WDFY4: variants seen among roughly 807,000 people sequenced by gnomAD.
WDFY4 encodes WD repeat- and FYVE domain-containing protein 4.
WDFY4 carries 169 observed loss-of-function variants against 351.9 expected under a neutral mutation model. The observed-to-expected ratio is 0.48, with a 90% CI of 0.42 to 0.55. The LOEUF (loss-of-function observed/expected upper bound fraction) is 0.55, where lower values mean the gene tolerates loss of function less well. Among genes scored for constraint, WDFY4 ranks in the 20% least tolerant of loss-of-function variants. WDFY4 has a pLI of 0.00. For missense variants in WDFY4, 3,803 were observed against 3,935.6 expected, an observed-to-expected ratio of 0.97 and a Z score of 0.90; for synonymous variants, 1,622 against 1,574.6, an observed-to-expected ratio of 1.03 and a Z score of -0.71.
intron 24 of WDFY4, among the ~76,000 whole-genome samples, chr10:48,800,671 T>C (rs982015436): frequency 1.3e-4 from 2 of 15,382 alleles, no homozygotes; most frequent in African/African-American, 4.0e-4. Flanking sequence ...TAGGTTTTGG[T>C]TTCTTTCTTT....
chr10:48,868,576 C>A (rs2069641094), intron 40 of WDFY4, among the ~76,000 whole-genome samples: 1 of 152,094 alleles, frequency 6.6e-6, no homozygotes, highest in East Asian at 1.9e-4. Flanking sequence ...TGACTCACAA[C>A]ATGGATTGAC....
intron 9 of WDFY4, 59 bp from the exon 10 acceptor site, chr10:48,733,872 A>G: frequency 1.4e-6 from 2 of 1,455,690 alleles, no homozygotes; most frequent in Non-Finnish European, 1.9e-6. Context: ...GGAGTCAGAG[A>G]TTTGCGGTCA....
chr10:48,870,058 AG>A (rs1443084004), intron 40 of WDFY4, among the ~76,000 whole-genome samples: 1 of 152,158 alleles, frequency 6.6e-6, no homozygotes, highest in Non-Finnish European at 1.5e-5. Flanking sequence ...TCCCAGCCCT[AG>A]GGGGTGGTGC....
At position 48,787,974 on chromosome 10, in the gene WDFY4, T is replaced by C. The variant is rs12269375; in HGVS notation, c.3809-556T>C. Among the ~76,000 whole-genome samples, 238 of 73,690 alleles carry C rather than the reference T, an allele frequency of 3.2e-3. 1 individual carries two copies. Among genetic ancestry groups the C allele is most frequent in the Middle Eastern group, 5.8e-3 (1 of 172 alleles). The allele number at this position is 73,690 out of a possible 152,430, so 48.3% of individuals were successfully genotyped here. ...TTCTTCTTCTTCTTCTTCTTCTTCT[T>C]CTTCTTCTTCTCCTTCTCCTTCTCC... is the stretch of plus-strand genomic sequence containing the variant. On this transcript the variant is annotated intron_variant, in intron 20 of 61. Transcript: ENST00000325239.
At chr10:48,777,370 A>C in intron 16 of WDFY4, 49 bp from the exon 17 acceptor site, 1 of 1,511,892 alleles carries the variant, frequency 6.6e-7, no homozygotes, top group Non-Finnish European at 9.0e-7. Context: ...GTGTCAGTGC[A>C]AGAGATTGGC....
rs566556184 is a variant in WDFY4 at position 48,917,366 on chromosome 10, T to C, written c.7586+15503T>C. Among the ~76,000 whole-genome samples, 22 of 152,104 alleles carry C rather than the reference T, an allele frequency of 1.4e-4. No homozygotes were observed. In the South Asian group the frequency reaches 4.6e-3, roughly 32 times the overall value. On this transcript the variant is annotated intron_variant, in intron 47 of 61. Coordinates refer to ENST00000325239, the MANE Select transcript of WDFY4 (RefSeq NM_001394531.1). Reference sequence around the variant, plus strand: ...AAAAATGGCTGAAAACTTCCAACAGTGATGAAAAAGATAAAAATTACAAAC... The same window carrying C: ...AAAAATGGCTGAAAACTTCCAACAGCGATGAAAAAGATAAAAATTACAAAC...
intron 22 of WDFY4, among the ~76,000 whole-genome samples, chr10:48,790,429 G>A (rs770895344): frequency 6.6e-6 from 1 of 152,216 alleles, no homozygotes; most frequent in Non-Finnish European, 1.5e-5. Flanking sequence ...GGATACTGAG[G>A]CTCAGGGGTC....
intron 19 of WDFY4, among the ~76,000 whole-genome samples, chr10:48,781,809 C>T (rs576731024): frequency 3.9e-5 from 6 of 152,260 alleles, no homozygotes; most frequent in Non-Finnish European, 8.8e-5. Context: ...CCTCCAGGAA[C>T]ATACATATAG....
In WDFY4 at chr10:48,803,375, G is replaced by T. The variant is rs1246428191; in HGVS notation, c.4484+16G>T. Reference sequence around the variant, plus strand: ...AATCACCAAGGTAGGCTGGGTCTTGGCAGCCTGGGGGTTAGAACTGAAGGC... The same window carrying T: ...AATCACCAAGGTAGGCTGGGTCTTGTCAGCCTGGGGGTTAGAACTGAAGGC... On this transcript the variant is annotated intron_variant, in intron 25 of 61. Transcript: ENST00000325239. 1 of 1,551,296 alleles carries T rather than the reference G, an allele frequency of 6.4e-7. No homozygotes were observed. Among genetic ancestry groups the T allele is most frequent in the African/African-American group, 1.4e-5 (1 of 73,020 alleles).
intron 1 of WDFY4, among the ~76,000 whole-genome samples, chr10:48,693,413 A>C (rs2063248394): frequency 6.6e-6 from 1 of 152,210 alleles, no homozygotes; most frequent in South Asian, 2.1e-4. Context: ...TCACCCAAGC[A>C]AGTGGCATTC....
chr10:48,808,457 A>G (rs1052756506), intron 28 of WDFY4, among the ~76,000 whole-genome samples: 3 of 152,224 alleles, frequency 2.0e-5, no homozygotes, highest in Non-Finnish European at 2.9e-5. Context: ...AGCTGATTCC[A>G]TTAACTCTCC....
At chr10:48,823,988 T>C (rs1409590819) in intron 35 of WDFY4, 1 of 985,342 alleles carries the variant, frequency 1.0e-6, no homozygotes, top group Non-Finnish European at 1.2e-6. Flanking sequence ...CTATAACAAA[T>C]TCATTTTCTA....
chr10:48,914,886 G>A (rs1336343733), intron 47 of WDFY4, among the ~76,000 whole-genome samples: 1 of 152,164 alleles, frequency 6.6e-6, no homozygotes, highest in Admixed American at 6.5e-5. Flanking sequence ...GGGGGTGCGG[G>A]CAAAGCTCAT....
At chr10:48,900,114 C>A in intron 45 of WDFY4, 107 bp from the exon 46 acceptor site, 2 of 942,458 alleles carry the variant, frequency 2.1e-6, no homozygotes, top group Non-Finnish European at 1.6e-6. Flanking sequence ...CAGGAAGGGT[C>A]TTCTGACACG....
intron 1 of WDFY4, among the ~76,000 whole-genome samples, chr10:48,701,278 A>G (rs1339683594): frequency 6.6e-6 from 1 of 152,240 alleles, no homozygotes; most frequent in Non-Finnish European, 1.5e-5. Context: ...TTAAAGGTTG[A>G]ATAATATTCC....
chr10:48,808,095 A>T (rs572575125), intron 28 of WDFY4, 137 bp downstream of exon 28: 1 of 672,786 alleles, frequency 1.5e-6, no homozygotes, highest in African/African-American at 1.9e-5. Context: ...TCAGAAAGAA[A>T]ATTATATTCT....
chr10:48,898,893 G>C (rs1837221725), intron 45 of WDFY4, among the ~76,000 whole-genome samples: 1 of 152,100 alleles, frequency 6.6e-6, no homozygotes, highest in African/African-American at 2.4e-5. Flanking sequence ...GCTCCTGTGG[G>C]CACCTCTCTG....
intron 2 of WDFY4, among the ~76,000 whole-genome samples, chr10:48,713,100 A>G (rs2063809262): frequency 6.6e-6 from 1 of 152,188 alleles, no homozygotes; most frequent in Non-Finnish European, 1.5e-5. Flanking sequence ...CGGAAAGGCC[A>G]TGTCCCTAGG....
intron 44 of WDFY4, among the ~76,000 whole-genome samples, chr10:48,893,946 A>C (rs963021481): frequency 1.3e-5 from 2 of 152,192 alleles, no homozygotes; most frequent in Non-Finnish European, 2.9e-5. Flanking sequence ...CTCTACCCAA[A>C]GAATATGGAT....
Sources: allele counts gnomAD v4.1 joint callset (sites outside exome capture counted in the v4.1 genomes callset), GRCh38; gene constraint gnomAD v4.1.1; transcripts MANE v1.5; gene names NCBI Gene and HGNC (gene_info 2026-07-23, HGNC 2026-07-21).